The following CSRNP2 variants were observed in gnomAD, a reference collection of about 807,000 sequenced individuals.
CSRNP2 encodes the protein cysteine/serine-rich nuclear protein 2.
CSRNP2 carries 11 observed loss-of-function variants against 36.6 expected under a neutral mutation model. That is an observed-to-expected ratio of 0.30 (90% CI 0.19 to 0.50). CSRNP2 has a LOEUF of 0.50. CSRNP2 is among the 20% of genes least tolerant of loss of function. CSRNP2 has a pLI of 0.98. For synonymous variants in CSRNP2, 248 were observed against 275.3 expected, an observed-to-expected ratio of 0.90 and a Z score of 0.98; for missense variants, 483 against 691.4, an observed-to-expected ratio of 0.70 and a Z score of 3.38.
chr12:51,064,747 A>C (rs1421553929), intron 4 of CSRNP2, 78 bp from the exon 5 acceptor site: 3 of 1,304,440 alleles, frequency 2.3e-6, no homozygotes, highest in African/African-American at 1.5e-5. Context: ...GAGCTGGCAA[A>C]CAGGCAGTTG....
chr12:51,077,617 A>G (rs1324963028), intron 1 of CSRNP2, among the ~76,000 whole-genome samples: 1 of 152,164 alleles, frequency 6.6e-6, no homozygotes, highest in African/African-American at 2.4e-5. Context: ...CCAGGCTTCT[A>G]TAAAGGTCAA....
At position 51,062,089 on chromosome 12, in the gene CSRNP2, A is replaced by T. The variant is rs1592732338; in HGVS notation, c.*1657T>A. 1 of 152,344 alleles carries T rather than the reference A, an allele frequency of 6.6e-6. No individual in the cohort carries two copies. Among genetic ancestry groups the T allele is most frequent in the Non-Finnish European group, 1.5e-5 (1 of 68,044 alleles). The allele number at this position is 152,344 out of a possible 1,614,324, so 9.4% of individuals were successfully genotyped here. On this transcript the variant is annotated 3_prime_UTR_variant, in exon 5 of 5. Coordinates refer to ENST00000228515, the MANE Select transcript of CSRNP2 (RefSeq NM_030809.3). ...TGGAACAAATAGGAAAGGCAGAATG[A>T]ACTAAAAAATGTTATGTGTATTAAA...
chr12:51,064,742 G>T, intron 4 of CSRNP2, 73 bp from the exon 5 acceptor site: 1 of 1,311,474 alleles, frequency 7.6e-7, no homozygotes, highest in Non-Finnish European at 1.0e-6. Context: ...GACATGAGCT[G>T]GCAAACAGGC....
chr12:51,066,675 CT>C (rs1938385109), intron 4 of CSRNP2, among the ~76,000 whole-genome samples: 1 of 151,474 alleles, frequency 6.6e-6, no homozygotes, highest in South Asian at 2.1e-4. Flanking sequence ...AGAGATGATA[CT>C]TTCTCTTTCA....
intron 1 of CSRNP2, among the ~76,000 whole-genome samples, chr12:51,081,956 A>T (rs1192194502): frequency 6.6e-6 from 1 of 152,268 alleles, no homozygotes; most frequent in Non-Finnish European, 1.5e-5. Context: ...TTCTTAAATG[A>T]GTCCAAAGTA....
chr12:51,065,395 A>C lies in CSRNP2; in HGVS notation c.709-726T>G, dbSNP rs1592741729. On this transcript the variant is annotated intron_variant, in intron 4 of 4. Transcript: ENST00000228515. ...CAACAGGAAAAACACATAAACCAAA[A>C]ATAAAAGGAAAAATTAAAACCACAA... Among the ~76,000 whole-genome samples the C allele has an allele frequency of 2.6e-5, 4 of 152,316 alleles. No individual in the cohort carries two copies. The South Asian group carries it at 8.3e-4, about 32-fold the overall frequency.
intron 3 of CSRNP2, 86 bp from the exon 4 acceptor site, chr12:51,068,055 G>A: frequency 7.7e-7 from 1 of 1,293,474 alleles, no homozygotes; most frequent in Non-Finnish European, 1.1e-6. Context: ...ACTGTCCCTT[G>A]AACCTTCTGC....
At chr12:51,080,555 T>G (rs1939599495) in intron 1 of CSRNP2, among the ~76,000 whole-genome samples, 1 of 152,196 alleles carries the variant, frequency 6.6e-6, no homozygotes, top group South Asian at 2.1e-4. Flanking sequence ...AGGAGAAAAG[T>G]ATTTTCCTTA....
intron 4 of CSRNP2, 110 bp from the exon 5 acceptor site, chr12:51,064,779 GA>G: frequency 1.2e-6 from 1 of 862,260 alleles, no homozygotes. Context: ...CTCCTTGTAA[GA>G]AGAAAAGCAA....
rs1312104258 is a variant in CSRNP2 at position 51,062,417 on chromosome 12, A to G, written c.*1329T>C. ...ATCACTTTGCTAATGAAAGGAAATC[A>G]GTGCTGTTCAATGGAGATCTTAGAA... On this transcript the variant is annotated 3_prime_UTR_variant, in exon 5 of 5. Transcript: ENST00000228515. 1 of 152,258 alleles carries G rather than the reference A, an allele frequency of 6.6e-6. No individual in the cohort carries two copies. Among genetic ancestry groups the G allele is most frequent in the Non-Finnish European group, 1.5e-5 (1 of 68,048 alleles). 9.4% of individuals were successfully genotyped at this position (152,258 alleles called of 1,614,324 possible). A position where few individuals can be genotyped will look rare whatever the true frequency, so the allele number is the denominator to read the frequency against.
At position 51,064,331 on chromosome 12, in the gene CSRNP2, C is replaced by T; in HGVS notation, c.1047G>A (p.Leu349=). Residue 349 remains leucine (L), a synonymous_variant, in exon 5 of 5, where the codon CTG becomes CTA. Coordinates refer to ENST00000228515, the MANE Select transcript of CSRNP2 (RefSeq NM_030809.3). ...EEDSSGSSAS[L]DSSIESLGVC... ...CACCCAGGCTCTCGATGCTCGAGTC[C>T]AGGCTGGCACTAGAGCCGCTGGAAT... 6.2e-7 allele frequency: 1 copy of T among 1,614,196 alleles called. No homozygotes were observed. The highest frequency in any genetic ancestry group is 2.2e-5 in the East Asian group (1 of 44,876).
intron 1 of CSRNP2, chr12:51,081,412 A>G (rs1019608274): frequency 1.3e-5 from 2 of 152,270 alleles, no homozygotes; most frequent in African/African-American, 2.4e-5. Context: ...CAACTAGAAA[A>G]ATCAGTCATT....
intron 3 of CSRNP2, among the ~76,000 whole-genome samples, chr12:51,069,427 C>T (rs1938829506): frequency 6.7e-6 from 1 of 149,592 alleles, no homozygotes; most frequent in Non-Finnish European, 1.5e-5. Context: ...GCTGGAATTA[C>T]AGGCTCCTGC....
At chr12:51,066,023 A>T (rs1938204337) in intron 4 of CSRNP2, among the ~76,000 whole-genome samples, 1 of 152,216 alleles carries the variant, frequency 6.6e-6, no homozygotes, top group South Asian at 2.1e-4. Context: ...GTCCCCCATC[A>T]GAGGGCCAAC....
intron 3 of CSRNP2, among the ~76,000 whole-genome samples, chr12:51,070,125 A>G (rs1320321091): frequency 6.6e-6 from 1 of 152,214 alleles, no homozygotes; most frequent in African/African-American, 2.4e-5. Flanking sequence ...ATGAGGCCTC[A>G]TAATCCCTGG....
chr12:51,068,667 C>T (rs903235353), intron 3 of CSRNP2, among the ~76,000 whole-genome samples: 3 of 152,154 alleles, frequency 2.0e-5, no homozygotes, highest in Admixed American at 6.5e-5. Context: ...TTTACACTCA[C>T]TTGCCTTCTA....
rs1244886290 is a variant in CSRNP2, at chr12:51,063,582, C to T, written c.*164G>A. ...GGGCTGGTCTCCTTGGTACTGTTTC[C>T]CTTTTAAAAAATACTCAAACAATCC... is the stretch of plus-strand genomic sequence containing the variant. On this transcript the variant is annotated 3_prime_UTR_variant, in exon 5 of 5. Coordinates refer to ENST00000228515, the MANE Select transcript of CSRNP2 (RefSeq NM_030809.3). 1 of 578,012 alleles carries T rather than the reference C, an allele frequency of 1.7e-6. No homozygotes were observed. Among genetic ancestry groups the T allele is most frequent in the African/African-American group, 1.9e-5 (1 of 54,014 alleles). The allele number at this position is 578,012 out of a possible 1,614,324, so 35.8% of individuals were successfully genotyped here.
intron 3 of CSRNP2, among the ~76,000 whole-genome samples, chr12:51,072,935 G>A (rs1023809367): frequency 2.6e-5 from 4 of 151,938 alleles, no homozygotes; most frequent in Admixed American, 1.3e-4. Context: ...AATTGGGGGC[G>A]GGGGTGTTGG....
At chr12:51,071,163 G>A (rs773820795) in intron 3 of CSRNP2, among the ~76,000 whole-genome samples, 15 of 151,478 alleles carry the variant, frequency 9.9e-5, no homozygotes, top group Non-Finnish European at 2.2e-4. Flanking sequence ...GGGAGGCTGA[G>A]GCACAAGAAT....
Sources: allele counts gnomAD v4.1 joint callset (sites outside exome capture counted in the v4.1 genomes callset), GRCh38; gene constraint gnomAD v4.1.1; transcripts MANE v1.5; gene names NCBI Gene and HGNC (gene_info 2026-07-23, HGNC 2026-07-21).